Variants in FCF1 observed in about 807,000 individuals in gnomAD.
FCF1 encodes the protein FCF1 rRNA-processing protein.
A neutral mutation model predicts 32.5 loss-of-function variants in FCF1; 17 were observed. The ratio of observed to expected loss-of-function variants is 0.52; its 90% confidence interval spans 0.36 to 0.78. The LOEUF is 0.78. Among genes scored for constraint, FCF1 ranks in the 30% least tolerant of loss-of-function variants. The pLI is 0.00. For synonymous variants in FCF1, 84 were observed against 78.4 expected (o/e 1.07, Z -0.38); for missense variants, 201 against 241.1 (o/e 0.83, Z 1.10).
At chr14:74,717,102 G>A (rs1735642982) in intron 4 of FCF1, among the ~76,000 whole-genome samples, 1 of 152,184 alleles carries the variant, frequency 6.6e-6, no homozygotes, top group Admixed American at 6.5e-5. Flanking sequence ...GCTCACGCCT[G>A]TAATGCCAGC....
chr14:74,714,800 T>G, intron 2 of FCF1, 72 bp from the exon 3 acceptor site: 1 of 1,488,800 alleles, frequency 6.7e-7, no homozygotes. Flanking sequence ...AAAATGGAAC[T>G]TTAGATTTTT....
At chr14:74,715,547 G>C in intron 3 of FCF1, 1 of 336,138 alleles carries the variant, frequency 3.0e-6, no homozygotes, top group Non-Finnish European at 5.7e-6. Flanking sequence ...CCTAACACTA[G>C]ACAAACTGTT....
Position 74,738,447 on chromosome 14 carries a change from C to G in FCF1, c.*3517C>G, listed in dbSNP as rs1235498498. 1 of 152,140 alleles carries G rather than the reference C, an allele frequency of 6.6e-6. No individual in the cohort carries two copies. Among genetic ancestry groups the G allele is most frequent in the Non-Finnish European group, 1.5e-5 (1 of 68,032 alleles). 9.4% of individuals were successfully genotyped at this position (152,140 alleles called of 1,614,324 possible). ...TATATTAAAATTATAGATTTCTGTG[C>G]AAGACACTCCCCTCCCCTAAAAAAC... is the stretch of plus-strand genomic sequence containing the variant. On this transcript the variant is annotated 3_prime_UTR_variant, in exon 8 of 8. Coordinates refer to ENST00000341162, the MANE Select transcript of FCF1 (RefSeq NM_015962.5).
In FCF1 at chr14:74,735,099, T is replaced by C. The variant is rs2090689752; in HGVS notation, c.*169T>C. ...CCAGTCAGATTAACATCCAAAGGAC[T>C]GAACCCTGAACAGAGTTAAGTTACC... On this transcript the variant is annotated 3_prime_UTR_variant, in exon 8 of 8. Transcript: ENST00000341162. 1.7e-6 allele frequency: 1 copy of C among 605,054 alleles called. No individual in the cohort carries two copies. Among genetic ancestry groups the C allele is most frequent in the Non-Finnish European group, 2.9e-6 (1 of 343,470 alleles). 37.5% of individuals were successfully genotyped at this position (605,054 alleles called of 1,614,324 possible).
intron 5 of FCF1, among the ~76,000 whole-genome samples, chr14:74,727,675 C>T (rs1336205208): frequency 6.6e-6 from 1 of 152,046 alleles, no homozygotes; most frequent in Non-Finnish European, 1.5e-5. Context: ...GACATGAAGT[C>T]CTTGCCCATG....
intron 5 of FCF1, among the ~76,000 whole-genome samples, chr14:74,727,242 A>G (rs888136270): frequency 4.6e-5 from 7 of 152,176 alleles, no homozygotes; most frequent in African/African-American, 1.4e-4. Flanking sequence ...AAGTGTTCCT[A>G]TTTCTCCACA....
At chr14:74,717,979 G>C (rs1202359185) in intron 4 of FCF1, among the ~76,000 whole-genome samples, 1 of 151,998 alleles carries the variant, frequency 6.6e-6, no homozygotes, top group African/African-American at 2.4e-5. Flanking sequence ...GGTTCAAGCA[G>C]TTCTTCTGCC....
Position 74,735,472 on chromosome 14 carries a change from A to C in FCF1, c.*542A>C, listed in dbSNP as rs1464397225. On this transcript the variant is annotated 3_prime_UTR_variant, in exon 8 of 8. Coordinates refer to ENST00000341162, the MANE Select transcript of FCF1 (RefSeq NM_015962.5). ...CTGAATTTCTGCTTACACATTTTTAAATTTCTTTTAATTGCTTTTCCAATG... is the reference window on the plus strand; with the variant it reads ...CTGAATTTCTGCTTACACATTTTTACATTTCTTTTAATTGCTTTTCCAATG... The C allele has an allele frequency of 6.6e-6, 1 of 152,392 alleles. No homozygotes were observed. Among genetic ancestry groups the C allele is most frequent in the Non-Finnish European group, 1.5e-5 (1 of 68,336 alleles). The allele number at this position is 152,392 out of a possible 1,614,324, so 9.4% of individuals were successfully genotyped here. A position where few individuals can be genotyped will look rare whatever the true frequency, so the allele number is the denominator to read the frequency against.
intron 5 of FCF1, among the ~76,000 whole-genome samples, chr14:74,728,831 A>G (rs1418511276): frequency 6.6e-6 from 1 of 152,204 alleles, no homozygotes; most frequent in African/African-American, 2.4e-5. Context: ...ACTTTTGCCA[A>G]AGGCCTTTTC....
intron 5 of FCF1, among the ~76,000 whole-genome samples, chr14:74,728,069 A>G (rs2090595432): frequency 6.6e-6 from 1 of 152,134 alleles, no homozygotes. Flanking sequence ...TTGGCTTAGG[A>G]TTGACTTGGC....
chr14:74,734,248 A>T, intron 7 of FCF1, 78 bp downstream of exon 7: 1 of 821,774 alleles, frequency 1.2e-6, no homozygotes. Flanking sequence ...TGATAAGGTT[A>T]TAAAGGATTT....
intron 3 of FCF1, chr14:74,715,654 T>C: frequency 2.2e-6 from 1 of 453,438 alleles, no homozygotes; most frequent in South Asian, 2.0e-5. Context: ...TCTACCTCCC[T>C]GTGCCCATGG....
intron 4 of FCF1, among the ~76,000 whole-genome samples, chr14:74,720,884 T>G (rs1325830777): frequency 2.0e-5 from 3 of 150,530 alleles, no homozygotes; most frequent in East Asian, 1.9e-4. Context: ...GGTTTGTTTT[T>G]TTTTTTTTTT....
At position 74,728,480 on chromosome 14, in the gene FCF1, T is replaced by C. The variant is rs536214139; in HGVS notation, c.366-4251T>C. Among the ~76,000 whole-genome samples the C allele has an allele frequency of 1.8e-3, 268 of 152,340 alleles. 3 individuals carry two copies. The highest frequency in any genetic ancestry group is 0.014 in the Middle Eastern group (4 of 294). On this transcript the variant is annotated intron_variant, in intron 5 of 7. Coordinates refer to ENST00000341162, the MANE Select transcript of FCF1 (RefSeq NM_015962.5). ...TATCCTGAGACTTTGCTGAAGTTGC[T>C]TATCAGCTTAAGGAGATTTTGGGCT...
rs762271753 is a variant in FCF1 at position 74,730,600 on chromosome 14, G to C, written c.366-2131G>C. The stretch of plus-strand genomic sequence containing the variant: ...GTGGTGGCAGGCACCTATAATCCCA[G>C]CTACTAGGGATGCTGAGGCAGGAGA... On this transcript the variant is annotated intron_variant, in intron 5 of 7. Coordinates refer to ENST00000341162, the MANE Select transcript of FCF1 (RefSeq NM_015962.5). Among the ~76,000 whole-genome samples the C allele has an allele frequency of 1.1e-4, 16 of 152,218 alleles. No homozygotes were observed. In the East Asian group the frequency reaches 2.5e-3, roughly 24 times the overall value.
In FCF1 at chr14:74,713,156, C is replaced by G. The variant is rs745951568; in HGVS notation, c.-42C>G. ...GTATGTGAATGACGTAGAAGTATTG[C>G]GCCGTTGGTGATTACGGAAGAACCA... On this transcript the variant is annotated 5_prime_UTR_variant, in exon 1 of 8. Coordinates refer to ENST00000341162, the MANE Select transcript of FCF1 (RefSeq NM_015962.5). 8 of 1,614,026 alleles carry G rather than the reference C, an allele frequency of 5.0e-6. No homozygotes were observed. The South Asian group carries it at 7.7e-5, about 16-fold the overall frequency.
chr14:74,716,395 G>C (rs1007393929), intron 4 of FCF1, among the ~76,000 whole-genome samples: 3 of 152,150 alleles, frequency 2.0e-5, no homozygotes, highest in African/African-American at 7.2e-5. Context: ...TAAAATTCTA[G>C]ATAAATGAAA....
At chr14:74,728,689 A>G (rs2090600896) in intron 5 of FCF1, among the ~76,000 whole-genome samples, 1 of 152,160 alleles carries the variant, frequency 6.6e-6, no homozygotes, top group Non-Finnish European at 1.5e-5. Flanking sequence ...CAGTTTTCAA[A>G]GGGAATGCTG....
Position 74,736,444 on chromosome 14 carries a change from A to G in FCF1, c.*1514A>G, listed in dbSNP as rs1278766617. ...AAAAAATTAATGATGGTCAAAGGGT[A>G]TAAAATCTCAGACAGGAAGAATATG... On this transcript the variant is annotated 3_prime_UTR_variant, in exon 8 of 8. Transcript: ENST00000341162. 1 of 152,046 alleles carries G rather than the reference A, an allele frequency of 6.6e-6. No individual in the cohort carries two copies. Among genetic ancestry groups the G allele is most frequent in the Non-Finnish European group, 1.5e-5 (1 of 68,030 alleles). The allele number at this position is 152,046 out of a possible 1,614,324, so 9.4% of individuals were successfully genotyped here. A position where few individuals can be genotyped will look rare whatever the true frequency, so the allele number is the denominator to read the frequency against.
Sources: gnomAD v4.1 joint callset for allele counts (sites outside exome capture counted in the v4.1 genomes callset) on GRCh38, gnomAD v4.1.1 for gene constraint, MANE v1.5 for transcripts, NCBI Gene and HGNC (gene_info 2026-07-23, HGNC 2026-07-21) for gene names.